CYP2C19: variants seen among roughly 807,000 people sequenced by gnomAD.
CYP2C19 encodes cytochrome P450 family 2 subfamily C member 19.
CYP2C19 carries 59 observed loss-of-function variants against 40.9 expected under a neutral mutation model. The ratio of observed to expected loss-of-function variants is 1.44; its 90% CI spans 1.17 to 1.79. CYP2C19 has a LOEUF of 1.79. Ranked by LOEUF, CYP2C19 falls within the 40% of genes most tolerant of loss-of-function variation. The probability of loss-of-function intolerance (pLI) is 0.00; values close to 1 mark genes in which losing one functional copy is unlikely to be tolerated. For synonymous variants in CYP2C19, 253 were observed against 208.7 expected, an observed-to-expected ratio of 1.21 and a Z score of -1.83; for missense variants, 754 against 596.9, an observed-to-expected ratio of 1.26 and a Z score of -2.74.
At chr10:94,787,290 A>G (rs1039774579) in intron 5 of CYP2C19, among the ~76,000 whole-genome samples, 5 of 152,068 alleles carry the variant, frequency 3.3e-5, no homozygotes, top group East Asian at 1.9e-4. Flanking sequence ...GGCCATGTGT[A>G]TGTCTTCTTT....
chr10:94,800,533 T>G (rs184164012), intron 5 of CYP2C19, among the ~76,000 whole-genome samples: 38 of 152,270 alleles, frequency 2.5e-4, no homozygotes, highest in Non-Finnish European at 4.4e-4. Flanking sequence ...AACGCCATGG[T>G]GGGAGAAGCA....
At chr10:94,833,656 G>C (rs1426981952) in intron 6 of CYP2C19, among the ~76,000 whole-genome samples, 1 of 152,142 alleles carries the variant, frequency 6.6e-6, no homozygotes, top group Non-Finnish European at 1.5e-5. Context: ...TAGGAACATG[G>C]ATGAAATTGG....
chr10:94,780,360 CAA>C (rs1309857991), intron 3 of CYP2C19, 137 bp from the exon 4 acceptor site: 1 of 1,101,284 alleles, frequency 9.1e-7, no homozygotes, highest in African/African-American at 1.6e-5. Context: ...TTATGCATGC[CAA>C]ACTCTTTTTT....
intron 5 of CYP2C19, among the ~76,000 whole-genome samples, chr10:94,799,814 C>T (rs1016432185): frequency 6.6e-6 from 1 of 152,140 alleles, no homozygotes; most frequent in Non-Finnish European, 1.5e-5. Context: ...GAAGCTTCTG[C>T]ATGCATCATG....
intron 6 of CYP2C19, among the ~76,000 whole-genome samples, chr10:94,828,734 A>G (rs1849273962): frequency 6.6e-6 from 1 of 152,008 alleles, no homozygotes. Context: ...TTTGCTCGTT[A>G]GTTGATGCAG....
At chr10:94,839,694 A>G (rs932343454) in intron 6 of CYP2C19, among the ~76,000 whole-genome samples, 11 of 152,232 alleles carry the variant, frequency 7.2e-5, no homozygotes, top group African/African-American at 2.2e-4. Flanking sequence ...GAGGAGACCA[A>G]TTATTAGGCA....
chr10:94,842,315 C>A (rs1266993506), intron 6 of CYP2C19, among the ~76,000 whole-genome samples: 2 of 147,222 alleles, frequency 1.4e-5, no homozygotes, highest in South Asian at 4.3e-4. Context: ...AACTCTTCCT[C>A]TTTTTTTTAT....
chr10:94,849,982 G>C lies in CYP2C19; in HGVS notation c.1215G>C (p.Glu405Asp), dbSNP rs1849628066. The C allele has an allele frequency of 1.2e-6, 2 of 1,613,618 alleles. No individual in the cohort carries two copies. Among genetic ancestry groups the C allele is most frequent in the Admixed American group, 3.3e-5 (2 of 59,950 alleles). The change falls in exon 8 of 9, where the codon GAG (glutamate) becomes GAC (aspartate). Residue 405 changes from glutamate to aspartate, a missense_variant. Coordinates refer to ENST00000371321, the MANE Select transcript of CYP2C19 (RefSeq NM_000769.4). The stretch of plus-strand genomic sequence containing the variant: ...ACAACAAAGAATTTCCCAACCCAGA[G>C]ATGTTTGACCCTCGTCACTTTCTGG... Reference protein sequence around the residue: ...LHDNKEFPNPEMFDPRHFLDE... With the variant: ...LHDNKEFPNPDMFDPRHFLDE...
rs773061645 is a variant in CYP2C19, at chr10:94,849,992, C to A, written c.1225C>A (p.Pro409Thr). 3.1e-6 allele frequency: 5 copies of A among 1,613,536 alleles called. No homozygotes were observed. The highest frequency in any genetic ancestry group is 3.4e-6 in the Non-Finnish European group (4 of 1,179,748). Reference protein sequence around the residue: ...KEFPNPEMFDPRHFLDEGGNF... With the variant: ...KEFPNPEMFDTRHFLDEGGNF... ...ATTTCCCAACCCAGAGATGTTTGAC[C>A]CTCGTCACTTTCTGGATGAAGGTGG... Residue 409 changes from proline to threonine, a missense_variant, in exon 8 of 9, where the codon CCT becomes ACT. Pro to Thr is a conservative substitution (Grantham distance 38). Transcript: ENST00000371321.
intron 1 of CYP2C19, among the ~76,000 whole-genome samples, chr10:94,770,078 G>A (rs1848306140): frequency 6.6e-6 from 1 of 152,158 alleles, no homozygotes; most frequent in South Asian, 2.1e-4. Context: ...CAGGACAGGA[G>A]ATTAACACTG....
chr10:94,764,768 G>T (rs182971074), intron 1 of CYP2C19, among the ~76,000 whole-genome samples: 3 of 152,230 alleles, frequency 2.0e-5, no homozygotes, highest in Non-Finnish European at 2.9e-5. Context: ...GTTGATCCTA[G>T]AGGAAACAAA....
At chr10:94,793,362 C>T (rs575130598) in intron 5 of CYP2C19, among the ~76,000 whole-genome samples, 55 of 152,280 alleles carry the variant, frequency 3.6e-4, no homozygotes, top group South Asian at 6.2e-4. Flanking sequence ...TCTCTCAACT[C>T]GTGAAAGTCA....
At chr10:94,828,682 A>T (rs1363733927) in intron 6 of CYP2C19, among the ~76,000 whole-genome samples, 6 of 150,570 alleles carry the variant, frequency 4.0e-5, no homozygotes, top group Admixed American at 4.0e-4. Flanking sequence ...TAATATTGTT[A>T]TGTGTGAATT....
intron 6 of CYP2C19, among the ~76,000 whole-genome samples, chr10:94,826,497 T>C (rs1241384362): frequency 6.6e-6 from 1 of 152,176 alleles, no homozygotes; most frequent in Non-Finnish European, 1.5e-5. Flanking sequence ...GTGATTTTTG[T>C]ACATTGATTT....
rs187879932 is a variant in CYP2C19, at chr10:94,786,469, T to C, written c.819+4472T>C. Among the ~76,000 whole-genome samples the C allele has an allele frequency of 2.8e-4, 43 of 152,222 alleles. No homozygotes were observed. The East Asian group carries it at 7.9e-3, about 28-fold the overall frequency. On this transcript the variant is annotated intron_variant, in intron 5 of 8. Coordinates refer to ENST00000371321, the MANE Select transcript of CYP2C19 (RefSeq NM_000769.4). ...AGGCAAGTTTACCTTAAATTTTGTA[T>C]TTAGTTATGATCATTGCTTGCCTGA...
chr10:94,837,457 G>A (rs1276226487), intron 6 of CYP2C19, among the ~76,000 whole-genome samples: 1 of 152,102 alleles, frequency 6.6e-6, no homozygotes, highest in Non-Finnish European at 1.5e-5. Flanking sequence ...ACAACCAATG[G>A]GTGTTCCTTC....
intron 1 of CYP2C19, 31 bp downstream of exon 1, chr10:94,762,904 G>T: frequency 6.3e-7 from 1 of 1,596,088 alleles, no homozygotes. Context: ...GCTTGCAAAA[G>T]GTAAGTAAAT....
At chr10:94,801,849 C>T (rs1396878149) in intron 5 of CYP2C19, among the ~76,000 whole-genome samples, 7 of 152,100 alleles carry the variant, frequency 4.6e-5, no homozygotes, top group Non-Finnish European at 1.0e-4. Flanking sequence ...CCTTCTGGTG[C>T]GTTCGTGGTC....
intron 7 of CYP2C19, among the ~76,000 whole-genome samples, chr10:94,844,633 T>C (rs1432150715): frequency 6.6e-6 from 1 of 152,178 alleles, no homozygotes; most frequent in African/African-American, 2.4e-5. Context: ...AGGTTGAAAT[T>C]ACTAATGTCA....
Sources: allele counts gnomAD v4.1 joint callset (sites outside exome capture counted in the v4.1 genomes callset), GRCh38; gene constraint gnomAD v4.1.1; transcripts MANE v1.5; gene names NCBI Gene and HGNC (gene_info 2026-07-23, HGNC 2026-07-21).